The following SCRN1 variants were observed in gnomAD, a reference collection of about 807,000 sequenced individuals.
The protein encoded by SCRN1 is secernin 1.
A neutral mutation model predicts 43.3 loss-of-function variants in SCRN1; 19 were observed. The observed-to-expected ratio is 0.44, with a 90% confidence interval of 0.31 to 0.64. The LOEUF (loss-of-function observed/expected upper bound fraction) is 0.64. SCRN1 is among the 30% of genes least tolerant of loss of function. The pLI, the probability that SCRN1 is intolerant of heterozygous loss-of-function variation, is 0.09. For synonymous variants in SCRN1, 183 were observed against 188.9 expected (o/e 0.97, Z 0.26); for missense variants, 447 against 524.1 (o/e 0.85, Z 1.44).
At position 29,921,334 on chromosome 7, in the gene SCRN1, T is replaced by C. The variant is rs889777014; in HGVS notation, c.*2623A>G. 2 of 152,382 alleles carry C rather than the reference T, an allele frequency of 1.3e-5. No homozygotes were observed. The highest frequency in any genetic ancestry group is 4.8e-5 in the African/African-American group (2 of 41,482). The allele number at this position is 152,382 out of a possible 1,614,324, so 9.4% of individuals were successfully genotyped here. On this transcript the variant is annotated 3_prime_UTR_variant, in exon 8 of 8. Transcript: ENST00000242059. ...CAATCCCTGGTCCACAAATTATTCA[T>C]GTAACAAGCATTTTTCAAAAGCAAA...
intron 2 of SCRN1, among the ~76,000 whole-genome samples, chr7:29,957,982 G>A (rs1788190298): frequency 1.3e-5 from 2 of 152,188 alleles, no homozygotes; most frequent in African/African-American, 4.8e-5. Context: ...CTTTGCAGGA[G>A]TTCAAAATAT....
intron 6 of SCRN1, among the ~76,000 whole-genome samples, chr7:29,934,014 T>G (rs1787243980): frequency 6.6e-6 from 1 of 152,208 alleles, no homozygotes; most frequent in Non-Finnish European, 1.5e-5. Context: ...TGTTTCTTGC[T>G]GACAAAAGAC....
chr7:29,988,678 C>G (rs922450386), intron 1 of SCRN1: 1 of 152,552 alleles, frequency 6.6e-6, no homozygotes, highest in Non-Finnish European at 1.5e-5. Flanking sequence ...ACCCACCCCA[C>G]CCGGCTGCCG....
chr7:29,984,368 A>G (rs1022099261), intron 1 of SCRN1, among the ~76,000 whole-genome samples: 13 of 152,076 alleles, frequency 8.5e-5, no homozygotes, highest in African/African-American at 3.1e-4. Flanking sequence ...AAAAACATAA[A>G]CTCAATTCAA....
intron 2 of SCRN1, among the ~76,000 whole-genome samples, chr7:29,961,999 G>A (rs1788337833): frequency 6.6e-6 from 1 of 151,986 alleles, no homozygotes; most frequent in Non-Finnish European, 1.5e-5. Context: ...GCAGGTGGGT[G>A]AGTGGATGAA....
intron 3 of SCRN1, among the ~76,000 whole-genome samples, chr7:29,948,384 G>A (rs1212302970): frequency 6.6e-6 from 1 of 152,238 alleles, no homozygotes; most frequent in Non-Finnish European, 1.5e-5. Context: ...TCTTACTACA[G>A]TGTTCAGGAA....
intron 7 of SCRN1, 22 bp downstream of exon 7, chr7:29,926,430 T>C (rs1171613187): frequency 2.5e-6 from 4 of 1,607,102 alleles, no homozygotes; most frequent in African/African-American, 1.3e-5. Context: ...CCTCCGCCTC[T>C]GTGGCCCTCA....
In SCRN1 at chr7:29,936,545, C is replaced by T. The variant is rs905957676; in HGVS notation, c.905+11G>A. The T allele has an allele frequency of 3.2e-6, 5 of 1,558,202 alleles. No homozygotes were observed. The highest frequency in any genetic ancestry group is 1.8e-6 in the Non-Finnish European group (2 of 1,140,622). On this transcript the variant is annotated intron_variant, in intron 6 of 7. Transcript: ENST00000242059. ...TTATGTTCTGCCTACGTGACCAGGC[C>T]TCGGACAAACCTGGAAGGATCAGGG...
chr7:29,985,077 A>G (rs1437130021), intron 1 of SCRN1, among the ~76,000 whole-genome samples: 1 of 144,132 alleles, frequency 6.9e-6, no homozygotes, highest in Non-Finnish European at 1.5e-5. Context: ...TAACCAGTGA[A>G]GTTGGTAGAC....
chr7:29,928,163 T>C (rs1454564119), intron 6 of SCRN1, among the ~76,000 whole-genome samples: 2 of 152,110 alleles, frequency 1.3e-5, no homozygotes, highest in Non-Finnish European at 2.9e-5. Flanking sequence ...TTTTCAGGTA[T>C]GCCATGACCT....
chr7:29,969,241 A>C, intron 1 of SCRN1, 173 bp from the exon 2 acceptor site: 6 of 642,294 alleles, frequency 9.3e-6, no homozygotes, highest in East Asian at 2.8e-5. Context: ...CAGTGGAATG[A>C]CAGAGCCACC....
rs1178582608 is a variant in SCRN1 at position 29,925,373 on chromosome 7, T to C, written c.1086+1079A>G. Among the ~76,000 whole-genome samples the C allele has an allele frequency of 3.9e-5, 6 of 152,190 alleles. 1 individual carries two copies. Among genetic ancestry groups the C allele is most frequent in the Admixed American group, 2.6e-4 (4 of 15,278 alleles). On this transcript the variant is annotated intron_variant, in intron 7 of 7. Coordinates refer to ENST00000242059, the MANE Select transcript of SCRN1 (RefSeq NM_014766.5). The stretch of plus-strand genomic sequence containing the variant: ...GATATCCTTTTTCTATAGTCCACCA[T>C]GTCAAATGCAAGAGGCTCACACAGT...
rs116549263 is a variant in SCRN1 at position 29,946,492 on chromosome 7, T to A, written c.342-2313A>T. Among the ~76,000 whole-genome samples, 380 of 152,342 alleles carry A rather than the reference T, an allele frequency of 2.5e-3. 6 individuals carry two copies. Among genetic ancestry groups the A allele is most frequent in the African/African-American group, 8.8e-3 (367 of 41,572 alleles). ...CCCGTGCAAACATGTGCTGGGAGCA[T>A]GTGAATACACAGCCAGCTGTAACAG... On this transcript the variant is annotated intron_variant, in intron 3 of 7. Transcript: ENST00000242059.
intron 1 of SCRN1, among the ~76,000 whole-genome samples, chr7:29,978,745 C>A (rs1378745733): frequency 6.6e-6 from 1 of 152,174 alleles, no homozygotes; most frequent in Non-Finnish European, 1.5e-5. Context: ...TATGGCCCTG[C>A]AATAAGGCGG....
chr7:29,954,837 C>A (rs542759095), intron 3 of SCRN1, among the ~76,000 whole-genome samples: 2 of 152,128 alleles, frequency 1.3e-5, no homozygotes, highest in Non-Finnish European at 2.9e-5. Flanking sequence ...CCTAGCACCA[C>A]GTTCGGCTAA....
In SCRN1 at chr7:29,922,667, G is replaced by A. The variant is rs1322996449; in HGVS notation, c.*1290C>T. 1 of 152,260 alleles carries A rather than the reference G, an allele frequency of 6.6e-6. No individual in the cohort carries two copies. Among genetic ancestry groups the A allele is most frequent in the Non-Finnish European group, 1.5e-5 (1 of 68,096 alleles). The allele number at this position is 152,260 out of a possible 1,614,324, so 9.4% of individuals were successfully genotyped here. The stretch of plus-strand genomic sequence containing the variant: ...CCCGCCTGAATGAAGGCAGCTCCTG[G>A]GACATGTGAGGTGTGAGGAGTGGGG... On this transcript the variant is annotated 3_prime_UTR_variant, in exon 8 of 8. Coordinates refer to ENST00000242059, the MANE Select transcript of SCRN1 (RefSeq NM_014766.5).
At chr7:29,931,937 C>T (rs1275555975) in intron 6 of SCRN1, among the ~76,000 whole-genome samples, 1 of 152,186 alleles carries the variant, frequency 6.6e-6, no homozygotes, top group African/African-American at 2.4e-5. Flanking sequence ...CAAAGTCACA[C>T]CTGGCTCCCA....
At chr7:29,947,061 C>A in intron 3 of SCRN1, 1 of 1,040,716 alleles carries the variant, frequency 9.6e-7, no homozygotes, top group African/African-American at 1.6e-5. Context: ...TTGGCTGCTA[C>A]CCCTCTGCCT....
intron 1 of SCRN1, 172 bp from the exon 2 acceptor site, chr7:29,969,240 G>A: frequency 1.5e-6 from 1 of 658,578 alleles, no homozygotes; most frequent in Non-Finnish European, 2.5e-6. Flanking sequence ...GCAGTGGAAT[G>A]ACAGAGCCAC....
Sources: gnomAD v4.1 joint callset for allele counts (sites outside exome capture counted in the v4.1 genomes callset) on GRCh38, gnomAD v4.1.1 for gene constraint, MANE v1.5 for transcripts, NCBI Gene and HGNC (gene_info 2026-07-23, HGNC 2026-07-21) for gene names.